Variants in TRPM3 observed in about 807,000 individuals in gnomAD.
TRPM3 encodes transient receptor potential cation channel subfamily M member 3, also known as long transient receptor potential channel 3.
TRPM3 carries 77 observed loss-of-function variants against 181.2 expected under a neutral mutation model. That is an observed-to-expected ratio of 0.42 (90% CI 0.35 to 0.51). The LOEUF is 0.51. TRPM3 is among the 20% of genes least tolerant of loss of function. The probability of loss-of-function intolerance (pLI) is 0.01; values close to 1 mark genes in which losing one functional copy is unlikely to be tolerated. For missense variants in TRPM3, 1,759 were observed against 2,196.7 expected (o/e 0.80, Z 3.98); for synonymous variants, 745 against 796.4 (o/e 0.94, Z 1.09).
chr9:70,658,980 G>C (rs1251239986), intron 9 of TRPM3, among the ~76,000 whole-genome samples: 1 of 151,996 alleles, frequency 6.6e-6, no homozygotes, highest in Non-Finnish European at 1.5e-5. Flanking sequence ...TTGAGTTATT[G>C]ACAGCTTTTA....
intron 1 of TRPM3, among the ~76,000 whole-genome samples, chr9:71,163,119 A>C (rs1272633190): frequency 6.6e-6 from 1 of 152,202 alleles, no homozygotes; most frequent in Non-Finnish European, 1.5e-5. Flanking sequence ...AAGGGAGCGG[A>C]CATCTAAGGA....
At chr9:71,008,795 A>G (rs1352170508) in intron 1 of TRPM3, among the ~76,000 whole-genome samples, 1 of 152,230 alleles carries the variant, frequency 6.6e-6, no homozygotes, top group African/African-American at 2.4e-5. Flanking sequence ...CAGTGAGCCA[A>G]GATCACGCCA....
At chr9:71,407,821 C>A (rs1002788102) in intron 1 of TRPM3, among the ~76,000 whole-genome samples, 1 of 152,190 alleles carries the variant, frequency 6.6e-6, no homozygotes, top group Non-Finnish European at 1.5e-5. Flanking sequence ...AGACACCTCC[C>A]AATAGGGGCC....
chr9:71,430,268 G>A (rs536108513), intron 1 of TRPM3, among the ~76,000 whole-genome samples: 1 of 152,154 alleles, frequency 6.6e-6, no homozygotes, highest in East Asian at 1.9e-4. Context: ...ACAAAAAAAA[G>A]CTTAACAAAA....
chr9:71,363,943 T>C (rs2092248063), intron 1 of TRPM3, among the ~76,000 whole-genome samples: 1 of 152,158 alleles, frequency 6.6e-6, no homozygotes. Flanking sequence ...CACATAAATG[T>C]ACAAAAATCG....
intron 1 of TRPM3, among the ~76,000 whole-genome samples, chr9:70,987,384 A>G (rs2097432247): frequency 6.6e-6 from 1 of 152,162 alleles, no homozygotes; most frequent in Non-Finnish European, 1.5e-5. Context: ...AATTTTGAAC[A>G]CAGGCTCTGC....
chr9:71,063,046 C>A (rs1020273529), intron 1 of TRPM3, among the ~76,000 whole-genome samples: 1 of 152,134 alleles, frequency 6.6e-6, no homozygotes, highest in African/African-American at 2.4e-5. Context: ...GAGACAAGAA[C>A]TGACATGGAA....
chr9:71,388,902 G>C, intron 1 of TRPM3, among the ~76,000 whole-genome samples: 1 of 152,024 alleles, frequency 6.6e-6, no homozygotes, highest in East Asian at 1.9e-4. Flanking sequence ...ATGTGAACAG[G>C]TTTGGCCACT....
rs566058426 is a variant in TRPM3 at position 71,110,515 on chromosome 9, C to T, written c.177+10663G>A. On this transcript the variant is annotated intron_variant, in intron 1 of 25. Coordinates refer to ENST00000677713, the MANE Select transcript of TRPM3 (RefSeq NM_001366145.2). ...GAATTGAGTATGGCAGTAGAGGCTG[C>T]ATGACGCATAGAGTAGTTACAATAG... 5.9e-5 allele frequency among the ~76,000 whole-genome samples: 9 copies of T among 152,270 alleles called. No homozygotes were observed. In the East Asian group the frequency reaches 1.4e-3, roughly 23 times the overall value.
At chr9:70,604,234 C>T (rs1404218081) in intron 19 of TRPM3, among the ~76,000 whole-genome samples, 1 of 152,172 alleles carries the variant, frequency 6.6e-6, no homozygotes, top group Non-Finnish European at 1.5e-5. Context: ...CTGGGAAGAA[C>T]TCCCTAGGGT....
intron 6 of TRPM3, among the ~76,000 whole-genome samples, chr9:70,803,033 T>TAAAAAA (rs78461560): frequency 0.06 from 2,539 of 42,622 alleles, 316 homozygotes; most frequent in South Asian, 0.088. Flanking sequence ...AGAAATTTTG[T>TAAAAAA]AAAAAAAAAA....
intron 1 of TRPM3, among the ~76,000 whole-genome samples, chr9:71,413,387 A>T (rs994983280): frequency 6.6e-6 from 1 of 152,108 alleles, no homozygotes; most frequent in Non-Finnish European, 1.5e-5. Flanking sequence ...TTTATAGGTG[A>T]GAAGAAAACA....
intron 1 of TRPM3, among the ~76,000 whole-genome samples, chr9:70,975,775 G>C (rs778547468): frequency 6.6e-6 from 1 of 152,156 alleles, no homozygotes. Flanking sequence ...GAACATACTC[G>C]TTGGAACCAG....
intron 1 of TRPM3, among the ~76,000 whole-genome samples, chr9:71,367,272 G>T (rs567485339): frequency 4.6e-5 from 7 of 152,164 alleles, no homozygotes; most frequent in Non-Finnish European, 8.8e-5. Context: ...ATGCTCAAGA[G>T]AGACCAAAAG....
chr9:70,877,190 C>A (rs997445953), intron 1 of TRPM3, among the ~76,000 whole-genome samples: 1 of 151,954 alleles, frequency 6.6e-6, no homozygotes, highest in Non-Finnish European at 1.5e-5. Flanking sequence ...CAAAATAGAG[C>A]CCAGGTTCGT....
Position 70,957,476 on chromosome 9 carries a change from G to T in TRPM3, c.178-92965C>A, listed in dbSNP as rs575724855. On this transcript the variant is annotated intron_variant, in intron 1 of 25. Transcript: ENST00000677713. ...AAAAGGACTGAATTACCCAAGCTTT[G>T]TCACACAGGGGTTGTGAAACAATCA... Among the ~76,000 whole-genome samples, 50 of 152,242 alleles carry T rather than the reference G, an allele frequency of 3.3e-4. 1 individual carries two copies. The highest frequency in any genetic ancestry group is 5.9e-4 in the Non-Finnish European group (40 of 68,016).
At chr9:71,004,978 T>C (rs528111536) in intron 1 of TRPM3, among the ~76,000 whole-genome samples, 1 of 152,296 alleles carries the variant, frequency 6.6e-6, no homozygotes, top group African/African-American at 2.4e-5. Flanking sequence ...ATGACAATTA[T>C]AGAACATCAT....
intron 6 of TRPM3, among the ~76,000 whole-genome samples, chr9:70,817,535 C>T (rs1203938723): frequency 2.6e-5 from 4 of 152,200 alleles, no homozygotes; most frequent in Non-Finnish European, 5.9e-5. Context: ...TGTGTCCTAA[C>T]TAAGGCTTTA....
chr9:70,887,282 A>G (rs2096105623), intron 1 of TRPM3, among the ~76,000 whole-genome samples: 1 of 152,170 alleles, frequency 6.6e-6, no homozygotes, highest in Non-Finnish European at 1.5e-5. Flanking sequence ...CCTAACTCCA[A>G]TGTTGAAGTC....
Sources: gnomAD v4.1 joint callset for allele counts (sites outside exome capture counted in the v4.1 genomes callset) on GRCh38, gnomAD v4.1.1 for gene constraint, MANE v1.5 for transcripts, NCBI Gene and HGNC (gene_info 2026-07-23, HGNC 2026-07-21) for gene names.